ZFAT: variants seen among roughly 807,000 people sequenced by gnomAD.
ZFAT encodes the protein zinc finger and AT-hook domain containing.
A neutral mutation model predicts 117.7 loss-of-function variants in ZFAT; 64 were observed. The ratio of observed to expected loss-of-function variants is 0.54; its 90% CI spans 0.44 to 0.67. ZFAT has a LOEUF of 0.67. Among genes scored for constraint, ZFAT ranks in the 30% least tolerant of loss-of-function variants. The pLI is 0.00. For missense variants in ZFAT, 1,433 were observed against 1,584.5 expected, an observed-to-expected ratio of 0.90 and a Z score of 1.62; for synonymous variants, 679 against 615.0, an observed-to-expected ratio of 1.10 and a Z score of -1.54.
intron 9 of ZFAT, among the ~76,000 whole-genome samples, chr8:134,586,043 G>A (rs1433095544): frequency 6.6e-6 from 1 of 152,112 alleles, no homozygotes; most frequent in East Asian, 1.9e-4. Flanking sequence ...AGTAAACGGA[G>A]ACAAGGGATA....
chr8:134,638,549 C>CAAA (rs758050176), intron 2 of ZFAT, among the ~76,000 whole-genome samples: 4,715 of 100,362 alleles, frequency 0.047, 493 homozygotes, highest in Non-Finnish European at 0.076. Flanking sequence ...ACTAAAAATA[C>CAAA]AAAAAAAAAA....
At chr8:134,830,721 G>C in the ZFAT span, among the ~76,000 whole-genome samples, 2 of 152,068 alleles carry the variant, frequency 1.3e-5, no homozygotes, top group South Asian at 4.2e-4. Context: ...CATCCACTTG[G>C]GATAATGTTT....
At chr8:134,743,788 C>T in the ZFAT span, among the ~76,000 whole-genome samples, 5 of 152,140 alleles carry the variant, frequency 3.3e-5, no homozygotes, top group African/African-American at 7.2e-5. Flanking sequence ...CCAGTCACAG[C>T]GAGAAGAGAA....
intron 9 of ZFAT, among the ~76,000 whole-genome samples, chr8:134,587,655 G>T (rs1008675958): frequency 6.6e-6 from 1 of 152,152 alleles, no homozygotes; most frequent in African/African-American, 2.4e-5. Context: ...TGTTGCCCTA[G>T]TAGAATCTTC....
intron 1 of ZFAT, among the ~76,000 whole-genome samples, chr8:134,705,385 T>TTG (rs1834123108): frequency 6.7e-6 from 1 of 149,688 alleles, no homozygotes; most frequent in African/African-American, 2.5e-5. Flanking sequence ...TTGTTTTTTT[T>TTG]TTTTTGTAGA....
At chr8:134,693,659 G>C (rs1016098051) in intron 1 of ZFAT, among the ~76,000 whole-genome samples, 1 of 151,980 alleles carries the variant, frequency 6.6e-6, no homozygotes, top group Admixed American at 6.6e-5. Flanking sequence ...TAGTAAATGC[G>C]GAAGAAATGA....
At chr8:134,717,472 T>C (rs1814224719), upstream of ZFAT, among the ~76,000 whole-genome samples, 3 of 55,170 alleles carry the variant, frequency 5.4e-5, no homozygotes, top group Admixed American at 5.9e-4. Flanking sequence ...AACTCTTTTT[T>C]TTTTTTTTTT....
chr8:134,576,429 T>C (rs2130817307), intron 10 of ZFAT, among the ~76,000 whole-genome samples: 1 of 152,196 alleles, frequency 6.6e-6, no homozygotes, highest in Non-Finnish European at 1.5e-5. Flanking sequence ...GTTCATCCAG[T>C]AGCCACACTT....
In ZFAT at chr8:134,478,579, G is replaced by C. The variant is rs750993267; in HGVS notation, c.3635C>G (p.Thr1212Arg). Residue 1212 changes from threonine (T) to arginine (R), a missense_variant, in exon 16 of 16, where the codon ACG becomes AGG. Physicochemically the swap from Thr to Arg is moderately conservative, Grantham distance 71. Transcript: ENST00000377838. The surrounding 1 kb of genome is among the most constrained non-coding windows in gnomAD (Gnocchi z 5.2). Reference protein sequence around the residue: ...VEGIETVTVYTQGGEASEFIV... With the variant: ...VEGIETVTVYRQGGEASEFIV... ...GAACTCCGAGGCCTCCCCGCCCTGCGTGTAGACAGTCACCGTCTCAATGCC... is the reference window on the plus strand; with the variant it reads ...GAACTCCGAGGCCTCCCCGCCCTGCCTGTAGACAGTCACCGTCTCAATGCC... 12 of 1,593,792 alleles carry C rather than the reference G, an allele frequency of 7.5e-6. No homozygotes were observed. In the Admixed American group the frequency reaches 1.6e-4, roughly 21 times the overall value.
chr8:134,612,484 G>A (rs1347451139), intron 3 of ZFAT, among the ~76,000 whole-genome samples: 2 of 152,214 alleles, frequency 1.3e-5, no homozygotes, highest in Admixed American at 6.5e-5. Context: ...AGGGAGGCAG[G>A]CTGGTTCGAG....
At chr8:134,713,264 T>C (rs778306100), upstream of ZFAT, among the ~76,000 whole-genome samples, 1 of 151,976 alleles carries the variant, frequency 6.6e-6, no homozygotes. Context: ...GGGTCAGGAG[T>C]CTGGCGGTTG....
intron 13 of ZFAT, 149 bp from the exon 14 acceptor site, chr8:134,512,750 T>C (rs1819952798): frequency 3.8e-6 from 4 of 1,044,130 alleles, no homozygotes; most frequent in Non-Finnish European, 5.4e-6. Flanking sequence ...AGAAACCAGT[T>C]GCTCCCATAC....
At chr8:134,797,636 T>A in the ZFAT span, 1 of 152,126 alleles carries the variant, frequency 6.6e-6, no homozygotes, top group African/African-American at 2.4e-5. Flanking sequence ...CAGGTTCTAC[T>A]GCTAAGATTT....
intron 11 of ZFAT, among the ~76,000 whole-genome samples, chr8:134,535,309 G>A (rs1215144300): frequency 6.6e-6 from 1 of 152,150 alleles, no homozygotes; most frequent in East Asian, 1.9e-4. Context: ...TCTCCACAGG[G>A]ATGTTCTATA....
the ZFAT span, among the ~76,000 whole-genome samples, chr8:134,828,709 T>G: frequency 6.6e-6 from 1 of 152,230 alleles, no homozygotes; most frequent in Non-Finnish European, 1.5e-5. Flanking sequence ...GCAAAATGAT[T>G]TCTGAATTAA....
At chr8:134,591,186 C>T (rs551292356) in intron 7 of ZFAT, among the ~76,000 whole-genome samples, 41 of 152,334 alleles carry the variant, frequency 2.7e-4, no homozygotes, top group Middle Eastern at 6.8e-3. Flanking sequence ...CAACCACTCA[C>T]AAAAGATAGG....
chr8:134,741,659 C>T, the ZFAT span, among the ~76,000 whole-genome samples: 3,065 of 152,208 alleles, frequency 0.02, 42 homozygotes, highest in South Asian at 0.04. Context: ...ACCATCTATA[C>T]GCTGAGGCCT....
rs1271810431 is a variant in ZFAT at position 134,510,276 on chromosome 8, C to T, written c.3362-527G>A. 4 of 410,320 alleles carry T rather than the reference C, an allele frequency of 9.7e-6. No individual in the cohort carries two copies. In the Admixed American group the frequency reaches 1.0e-4, roughly 10 times the overall value. 25.4% of individuals were successfully genotyped at this position (410,320 alleles called of 1,614,324 possible). On this transcript the variant is annotated intron_variant, in intron 14 of 15. Transcript: ENST00000377838. Reference sequence around the variant, plus strand: ...GCTGGGGGTTCTATTTTAACCATCTCTAAAGACGGGATTCTGCATCATCAG... The same window carrying T: ...GCTGGGGGTTCTATTTTAACCATCTTTAAAGACGGGATTCTGCATCATCAG...
At chr8:134,650,570 T>C (rs1175985666) in intron 2 of ZFAT, among the ~76,000 whole-genome samples, 1 of 152,188 alleles carries the variant, frequency 6.6e-6, no homozygotes, top group East Asian at 1.9e-4. Flanking sequence ...CTAAAATTCA[T>C]ATGGAACTGC....
Sources: gnomAD v4.1 joint callset for allele counts (sites outside exome capture counted in the v4.1 genomes callset) on GRCh38, gnomAD v4.1.1 for gene constraint, Gnocchi (gnomAD v3.1) non-coding constraint, MANE v1.5 for transcripts, NCBI Gene and HGNC (gene_info 2026-07-23, HGNC 2026-07-21) for gene names.